Variants in CALML3 observed in about 807,000 individuals in gnomAD.
The protein encoded by CALML3 is calmodulin-like protein 3.
For synonymous variants in CALML3, 98 were observed against 89.9 expected (o/e 1.09, Z -0.51); for missense variants, 198 against 214.1 (o/e 0.92, Z 0.47).
chr10:5,526,397 G>C lies in CALML3; in HGVS notation c.*862G>C, dbSNP rs1461750939. 6.0e-6 allele frequency: 1 copy of C among 166,940 alleles called. No homozygotes were observed. Among genetic ancestry groups the C allele is most frequent in the Non-Finnish European group, 1.5e-5 (1 of 68,112 alleles). The allele number at this position is 166,940 out of a possible 1,614,324, so 10.3% of individuals were successfully genotyped here. On this transcript the variant is annotated 3_prime_UTR_variant, in exon 1 of 1. Transcript: ENST00000315238. ...TCCTATACGGGGGAGCGGGAAAGGT[G>C]CCTCAGAGAGAGACAAGTCTGGATG...
rs1588462872 is a variant in CALML3, at chr10:5,525,620, G to A, written c.*85G>A. The A allele has an allele frequency of 1.0e-5, 15 of 1,468,194 alleles. No individual in the cohort carries two copies. The highest frequency in any genetic ancestry group is 4.7e-4 in the Middle Eastern group (2 of 4,226). 90.9% of individuals were successfully genotyped at this position (1,468,194 alleles called of 1,614,324 possible). ...CTCCCGCCTCCTCCCCCATCCCCCT[G>A]CCTCCCCTGGGCACTGTGGCTTCCT... On this transcript the variant is annotated 3_prime_UTR_variant, in exon 1 of 1. Transcript: ENST00000315238.
chr10:5,525,691 G>GCGT lies in CALML3; in HGVS notation c.*158_*160dup. 6.9e-7 allele frequency: 1 copy of GCGT among 1,445,192 alleles called. No homozygotes were observed. The highest frequency in any genetic ancestry group is 9.1e-7 in the Non-Finnish European group (1 of 1,098,262). The allele number at this position is 1,445,192 out of a possible 1,614,324, so 89.5% of individuals were successfully genotyped here. Reference sequence around the variant, plus strand: ...CCCACCTCTCTGCATCCCGCTTCCCGCGTCTCTTCTCTGCACTCCTGCCGA... The same window carrying GCGT: ...CCCACCTCTCTGCATCCCGCTTCCCGCGTCGTCTCTTCTCTGCACTCCTGCCGA... On this transcript the variant is annotated 3_prime_UTR_variant, in exon 1 of 1. Coordinates refer to ENST00000315238, the MANE Select transcript of CALML3 (RefSeq NM_005185.4).
In CALML3 at chr10:5,525,861, C is replaced by T; in HGVS notation, c.*326C>T. The T allele has an allele frequency of 1.0e-6, 1 of 975,240 alleles. No individual in the cohort carries two copies. The highest frequency in any genetic ancestry group is 3.4e-5 in the South Asian group (1 of 29,828). The allele number at this position is 975,240 out of a possible 1,614,324, so 60.4% of individuals were successfully genotyped here. On this transcript the variant is annotated 3_prime_UTR_variant, in exon 1 of 1. Transcript: ENST00000315238. ...TGACTCTGCGGCCCTCCAGGACGGACACCGGGTGACCCCTTAGGGCACCCA... is the reference window on the plus strand; with the variant it reads ...TGACTCTGCGGCCCTCCAGGACGGATACCGGGTGACCCCTTAGGGCACCCA...
rs749380030 is a variant in CALML3 at position 5,525,267 on chromosome 10, A to G, written c.182A>G (p.Asn61Ser). Residue 61 changes from asparagine (N) to serine (S), a missense_variant, in exon 1 of 1, where the codon AAC becomes AGC. By Grantham distance (46) the Asn-to-Ser change is conservative. Coordinates refer to ENST00000315238, the MANE Select transcript of CALML3 (RefSeq NM_005185.4). ...ATGAGTGAGATCGACCGGGACGGCA[A>G]CGGCACCGTGGACTTCCCCGAGTTC... ...DMMSEIDRDG[N>S]GTVDFPEFLG... 6.2e-7 allele frequency: 1 copy of G among 1,613,968 alleles called. No individual in the cohort carries two copies. The highest frequency in any genetic ancestry group is 8.5e-7 in the Non-Finnish European group (1 of 1,179,998).
Position 5,525,379 on chromosome 10 carries a change from C to A in CALML3, c.294C>A (p.Asn98Lys). ...EAFRVFDKDG[N>K]GFVSAAELRH... ...TCCGCGTGTTCGACAAGGACGGCAA[C>A]GGCTTCGTCAGCGCCGCCGAGCTGC... is the stretch of plus-strand genomic sequence containing the variant. The change falls in exon 1 of 1, where the codon AAC (asparagine) becomes AAA (lysine). Residue 98 changes from asparagine to lysine, a missense_variant. Asn to Lys is a moderately conservative substitution (Grantham distance 94). Transcript: ENST00000315238. 1.2e-6 allele frequency: 2 copies of A among 1,613,830 alleles called. No homozygotes were observed. The highest frequency in any genetic ancestry group is 1.7e-6 in the Non-Finnish European group (2 of 1,179,984).
chr10:5,525,030 A>T lies in CALML3; in HGVS notation c.-56A>T. The T allele has an allele frequency of 7.5e-7, 1 of 1,332,628 alleles. No homozygotes were observed. Among genetic ancestry groups the T allele is most frequent in the Non-Finnish European group, 1.0e-6 (1 of 958,224 alleles). The allele number at this position is 1,332,628 out of a possible 1,614,324, so 82.6% of individuals were successfully genotyped here. On this transcript the variant is annotated 5_prime_UTR_variant, in exon 1 of 1. Transcript: ENST00000315238. ...GCTGGGACAGCAGCCGGGCTGCGGC[A>T]CTGGGAGGGAGACCCCACAGTGGCC...
In CALML3 at chr10:5,525,326, GACA is replaced by G. The variant is rs757296001; in HGVS notation, c.244_246del (p.Asn82del). On this transcript the variant is annotated inframe_deletion, in exon 1 of 1. Transcript: ENST00000315238. ...GATGGCCAGGAAGATGAAGGACACG[GACA>G]ACGAGGAGGAGATCCGCGAGGCCTT... 3 of 1,613,962 alleles carry G rather than the reference GACA, an allele frequency of 1.9e-6. No individual in the cohort carries two copies. The highest frequency in any genetic ancestry group is 2.2e-5 in the South Asian group (2 of 91,070).
rs763079069 is a variant in CALML3 at position 5,525,541 on chromosome 10, G to A, written c.*6G>A. On this transcript the variant is annotated 3_prime_UTR_variant, in exon 1 of 1. Transcript: ENST00000315238. The stretch of plus-strand genomic sequence containing the variant: ...GTGTGCTGGTGTCCAAGTGAGGCCG[G>A]CGCCCACCATGCTCCTGGGCGCCCA... 2 of 1,578,124 alleles carry A rather than the reference G, an allele frequency of 1.3e-6. No homozygotes were observed. Among genetic ancestry groups the A allele is most frequent in the Non-Finnish European group, 1.7e-6 (2 of 1,158,816 alleles).
At position 5,526,409 on chromosome 10, in the gene CALML3, G is replaced by A. The variant is rs981019930; in HGVS notation, c.*874G>A. 6.0e-6 allele frequency: 1 copy of A among 167,044 alleles called. No homozygotes were observed. Among genetic ancestry groups the A allele is most frequent in the Non-Finnish European group, 1.5e-5 (1 of 68,130 alleles). 10.3% of individuals were successfully genotyped at this position (167,044 alleles called of 1,614,324 possible). Reference sequence around the variant, plus strand: ...GAGCGGGAAAGGTGCCTCAGAGAGAGACAAGTCTGGATGAGGGAAATATTG... The same window carrying A: ...GAGCGGGAAAGGTGCCTCAGAGAGAAACAAGTCTGGATGAGGGAAATATTG... On this transcript the variant is annotated 3_prime_UTR_variant, in exon 1 of 1. Transcript: ENST00000315238.
Position 5,525,069 on chromosome 10 carries a change from A to G in CALML3, c.-17A>G. On this transcript the variant is annotated 5_prime_UTR_variant, in exon 1 of 1. Transcript: ENST00000315238. ...CCCACAGTGGCCTCTTCTGCCACCC[A>G]CGCCCCCACCCCTGGCATGGCCGAC... 1.3e-6 allele frequency: 2 copies of G among 1,564,022 alleles called. No homozygotes were observed. Among genetic ancestry groups the G allele is most frequent in the Non-Finnish European group, 1.7e-6 (2 of 1,147,064 alleles).
Position 5,525,813 on chromosome 10 carries a change from C to A in CALML3, c.*278C>A. 7.5e-7 allele frequency: 1 copy of A among 1,329,492 alleles called. No homozygotes were observed. The highest frequency in any genetic ancestry group is 9.7e-7 in the Non-Finnish European group (1 of 1,027,792). The allele number at this position is 1,329,492 out of a possible 1,614,324, so 82.4% of individuals were successfully genotyped here. A position where few individuals can be genotyped will look rare whatever the true frequency, so the allele number is the denominator to read the frequency against. ...GGGAGAAGCAGAGCTGACCTTAGGA[C>A]CGAGCACCAGGGCAGGTTGCGCTGA... On this transcript the variant is annotated 3_prime_UTR_variant, in exon 1 of 1. Transcript: ENST00000315238.
In CALML3 at chr10:5,525,405, G is replaced by T; in HGVS notation, c.320G>T (p.Arg107Leu). The T allele has an allele frequency of 4.3e-6, 7 of 1,613,870 alleles. No homozygotes were observed. Among genetic ancestry groups the T allele is most frequent in the Non-Finnish European group, 5.9e-6 (7 of 1,179,978 alleles). ...GNGFVSAAEL[R>L]HVMTRLGEKL... ...GGCTTCGTCAGCGCCGCCGAGCTGC[G>T]ACACGTCATGACCCGGCTGGGGGAG... Residue 107 changes from arginine (R) to leucine (L), a missense_variant, in exon 1 of 1, where the codon CGA becomes CTA. Transcript: ENST00000315238.
chr10:5,525,944 C>T lies in CALML3; in HGVS notation c.*409C>T. 1 of 251,260 alleles carries T rather than the reference C, an allele frequency of 4.0e-6. No homozygotes were observed. Among genetic ancestry groups the T allele is most frequent in the Non-Finnish European group, 7.4e-6 (1 of 135,386 alleles). 15.6% of individuals were successfully genotyped at this position (251,260 alleles called of 1,614,324 possible). A position where few individuals can be genotyped will look rare whatever the true frequency, so the allele number is the denominator to read the frequency against. On this transcript the variant is annotated 3_prime_UTR_variant, in exon 1 of 1. Transcript: ENST00000315238. ...GCCAGGGGGGCTGCAGCCCTCAGCC[C>T]CCGCCAGGATTCCCGCAGGCTCCTG...
chr10:5,525,100 G>A lies in CALML3; in HGVS notation c.15G>A (p.Leu5=), dbSNP rs1248835666. The change falls in exon 1 of 1, where the codon CTG becomes CTA. Residue 5 remains leucine, a synonymous_variant. Coordinates refer to ENST00000315238, the MANE Select transcript of CALML3 (RefSeq NM_005185.4). ...CCACCCCTGGCATGGCCGACCAGCTGACTGAGGAGCAGGTCACAGAATTCA... is the reference window on the plus strand; with the variant it reads ...CCACCCCTGGCATGGCCGACCAGCTAACTGAGGAGCAGGTCACAGAATTCA... MADQ[L]TEEQVTEFKE... 1.9e-6 allele frequency: 3 copies of A among 1,603,848 alleles called. No homozygotes were observed. The South Asian group carries it at 3.3e-5, about 18-fold the overall frequency.
rs778755062 is a variant in CALML3 at position 5,525,888 on chromosome 10, G to T, written c.*353G>T. 6 of 655,292 alleles carry T rather than the reference G, an allele frequency of 9.2e-6. No individual in the cohort carries two copies. Among genetic ancestry groups the T allele is most frequent in the Non-Finnish European group, 1.0e-5 (5 of 486,578 alleles). The allele number at this position is 655,292 out of a possible 1,614,324, so 40.6% of individuals were successfully genotyped here. ...CCGGGTGACCCCTTAGGGCACCCAG[G>T]CAAGATCCCTAAGAGGCACCCAATG... On this transcript the variant is annotated 3_prime_UTR_variant, in exon 1 of 1. Coordinates refer to ENST00000315238, the MANE Select transcript of CALML3 (RefSeq NM_005185.4).
chr10:5,525,132 C>T lies in CALML3; in HGVS notation c.47C>T (p.Ala16Val), dbSNP rs1157895708. The change falls in exon 1 of 1, where the codon GCC (alanine) becomes GTC (valine). Residue 16 changes from alanine (A) to valine (V), a missense_variant. Coordinates refer to ENST00000315238, the MANE Select transcript of CALML3 (RefSeq NM_005185.4). Reference protein sequence around the residue: ...TEEQVTEFKEAFSLFDKDGDG... With the variant: ...TEEQVTEFKEVFSLFDKDGDG... ...GAGCAGGTCACAGAATTCAAGGAGG[C>T]CTTCTCCCTGTTTGACAAGGATGGG... 2.5e-6 allele frequency: 4 copies of T among 1,612,954 alleles called. No individual in the cohort carries two copies. Among genetic ancestry groups the T allele is most frequent in the Non-Finnish European group, 2.5e-6 (3 of 1,179,392 alleles).
chr10:5,526,351 C>T lies in CALML3; in HGVS notation c.*816C>T, dbSNP rs1393295605. 1 of 166,312 alleles carries T rather than the reference C, an allele frequency of 6.0e-6. No individual in the cohort carries two copies. Among genetic ancestry groups the T allele is most frequent in the African/African-American group, 2.4e-5 (1 of 41,214 alleles). 10.3% of individuals were successfully genotyped at this position (166,312 alleles called of 1,614,324 possible). A position where few individuals can be genotyped will look rare whatever the true frequency, so the allele number is the denominator to read the frequency against. On this transcript the variant is annotated 3_prime_UTR_variant, in exon 1 of 1. Transcript: ENST00000315238. ...CGAGGCAGGAATCTCCATTTTTGTG[C>T]TTTTTGAAAATGCAATGAATTCCTA...
rs1049776036 is a variant in CALML3, at chr10:5,525,397, C to G, written c.312C>G (p.Ala104=). The G allele has an allele frequency of 1.2e-6, 2 of 1,613,876 alleles. No individual in the cohort carries two copies. Among genetic ancestry groups the G allele is most frequent in the Non-Finnish European group, 1.7e-6 (2 of 1,179,992 alleles). ...ACGGCAACGGCTTCGTCAGCGCCGC[C>G]GAGCTGCGACACGTCATGACCCGGC... ...DKDGNGFVSA[A]ELRHVMTRLG... is the part of the protein sequence containing the mutation. The change falls in exon 1 of 1, where the codon GCC becomes GCG. Residue 104 remains alanine (A), a synonymous_variant. Coordinates refer to ENST00000315238, the MANE Select transcript of CALML3 (RefSeq NM_005185.4).
rs1833576842 is a variant in CALML3 at position 5,525,673 on chromosome 10, C to G, written c.*138C>G. 1 of 1,449,986 alleles carries G rather than the reference C, an allele frequency of 6.9e-7. No individual in the cohort carries two copies. Among genetic ancestry groups the G allele is most frequent in the Non-Finnish European group, 9.1e-7 (1 of 1,100,202 alleles). 89.8% of individuals were successfully genotyped at this position (1,449,986 alleles called of 1,614,324 possible). ...TGCGCCTGGTTGATTCAGCCCACCTCTCTGCATCCCGCTTCCCGCGTCTCT... is the reference window on the plus strand; with the variant it reads ...TGCGCCTGGTTGATTCAGCCCACCTGTCTGCATCCCGCTTCCCGCGTCTCT... On this transcript the variant is annotated 3_prime_UTR_variant, in exon 1 of 1. Coordinates refer to ENST00000315238, the MANE Select transcript of CALML3 (RefSeq NM_005185.4).
Sources: gnomAD v4.1 joint callset for allele counts on GRCh38, gnomAD v4.1.1 for gene constraint, MANE v1.5 for transcripts, NCBI Gene and HGNC (gene_info 2026-07-23, HGNC 2026-07-21) for gene names.